Variants in PRKG1 observed in about 807,000 individuals in gnomAD.
PRKG1 encodes the protein protein kinase cGMP-dependent 1.
In PRKG1, 35 loss-of-function variants were observed where a neutral mutation model predicts 88.1. The observed-to-expected ratio is 0.40, with a 90% CI of 0.30 to 0.53. The LOEUF (loss-of-function observed/expected upper bound fraction) is 0.53, where lower values mean the gene tolerates loss of function less well. PRKG1 is among the 20% of genes least tolerant of loss of function. The pLI is 0.59. For synonymous variants in PRKG1, 303 were observed against 292.5 expected (o/e 1.04, Z -0.37); for missense variants, 540 against 839.8 (o/e 0.64, Z 4.41).
At chr10:51,946,864 A>G (rs1267427322) in intron 5 of PRKG1, among the ~76,000 whole-genome samples, 7 of 151,750 alleles carry the variant, frequency 4.6e-5, no homozygotes, top group African/African-American at 7.3e-5. Context: ...GTGTCAGTCT[A>G]CCCCTACTGG....
At chr10:51,103,208 G>A (rs1329827307) in intron 1 of PRKG1, among the ~76,000 whole-genome samples, 2 of 152,048 alleles carry the variant, frequency 1.3e-5, no homozygotes, top group South Asian at 2.1e-4. Flanking sequence ...CCATAGAAGG[G>A]GGTCATTAAA....
At chr10:52,000,918 A>G (rs1247942530) in intron 5 of PRKG1, among the ~76,000 whole-genome samples, 1 of 152,048 alleles carries the variant, frequency 6.6e-6, no homozygotes, top group East Asian at 1.9e-4. Context: ...CATCACAAGA[A>G]TCTGAAATTT....
intron 2 of PRKG1, among the ~76,000 whole-genome samples, chr10:51,304,297 C>T (rs552144862): frequency 1.1e-4 from 16 of 151,840 alleles, no homozygotes; most frequent in Admixed American, 4.6e-4. Context: ...CATATAGTCA[C>T]GTAATATTAA....
chr10:51,739,304 T>C lies in PRKG1; in HGVS notation c.593-65281T>C, dbSNP rs1448812548. 4.6e-5 allele frequency among the ~76,000 whole-genome samples: 7 copies of C among 152,292 alleles called. No individual in the cohort carries two copies. In the East Asian group the frequency reaches 1.2e-3, roughly 25 times the overall value. ...CATTATTCTCCTATGAAGATTTGCT[T>C]CCCAAAACTCCTAGCTATATTTCCC... On this transcript the variant is annotated intron_variant, in intron 3 of 17. Transcript: ENST00000373980.
At chr10:51,180,762 G>C (rs886156044) in intron 2 of PRKG1, among the ~76,000 whole-genome samples, 2 of 152,128 alleles carry the variant, frequency 1.3e-5, no homozygotes, top group African/African-American at 4.8e-5. Context: ...TAGCAACAGT[G>C]CTCCTAGACA....
At chr10:51,706,090 T>A (rs1265277341) in intron 3 of PRKG1, among the ~76,000 whole-genome samples, 2 of 152,138 alleles carry the variant, frequency 1.3e-5, no homozygotes, top group Non-Finnish European at 2.9e-5. Context: ...ATAGAGAAAA[T>A]GTTTCCTTTT....
chr10:52,080,660 T>C (rs540764061), intron 7 of PRKG1, among the ~76,000 whole-genome samples: 1 of 152,202 alleles, frequency 6.6e-6, no homozygotes, highest in Non-Finnish European at 1.5e-5. Context: ...ATCTATTTTT[T>C]AATCTTAAAT....
At chr10:51,400,013 C>T (rs570883862) in intron 2 of PRKG1, among the ~76,000 whole-genome samples, 4 of 152,090 alleles carry the variant, frequency 2.6e-5, no homozygotes, top group Non-Finnish European at 5.9e-5. Flanking sequence ...ACTTCATTGG[C>T]AATTGTGTTA....
intron 2 of PRKG1, among the ~76,000 whole-genome samples, chr10:51,404,923 A>C (rs1837863397): frequency 6.6e-6 from 1 of 152,188 alleles, no homozygotes; most frequent in Non-Finnish European, 1.5e-5. Context: ...TGAACACAGG[A>C]CTTTCTTACT....
At chr10:52,210,553 T>A (rs1839944110) in intron 9 of PRKG1, among the ~76,000 whole-genome samples, 1 of 152,216 alleles carries the variant, frequency 6.6e-6, no homozygotes, top group African/African-American at 2.4e-5. Flanking sequence ...TATATTTTTA[T>A]TAGAATATAG....
intron 5 of PRKG1, among the ~76,000 whole-genome samples, chr10:51,969,019 G>A (rs1843641241): frequency 6.6e-6 from 1 of 151,934 alleles, no homozygotes; most frequent in African/African-American, 2.4e-5. Context: ...TAAAACAGCA[G>A]CAATGACAAT....
chr10:51,069,803 T>C (rs193084367), upstream of PRKG1, among the ~76,000 whole-genome samples: 56 of 152,248 alleles, frequency 3.7e-4, 1 homozygote, highest in East Asian at 7.9e-3. Flanking sequence ...TGACCAACTC[T>C]CCTGGTTTGC....
At chr10:52,283,055 G>A (rs992237994) in intron 14 of PRKG1, among the ~76,000 whole-genome samples, 1 of 152,030 alleles carries the variant, frequency 6.6e-6, no homozygotes, top group African/African-American at 2.4e-5. Context: ...TCACAGACAT[G>A]GAGAAGGTTC....
intron 3 of PRKG1, among the ~76,000 whole-genome samples, chr10:51,626,999 A>T (rs1196735363): frequency 6.6e-6 from 1 of 152,184 alleles, no homozygotes; most frequent in Admixed American, 6.5e-5. Context: ...TGGAAATGAG[A>T]GACATAATCT....
chr10:51,032,093 G>C (rs1843291116), intron 1 of PRKG1, among the ~76,000 whole-genome samples: 3 of 152,176 alleles, frequency 2.0e-5, no homozygotes, highest in Admixed American at 2.0e-4. Context: ...TCTTCCAGCT[G>C]TTCAGTGTGT....
chr10:51,167,786 GA>G (rs964684592), intron 2 of PRKG1, among the ~76,000 whole-genome samples: 37 of 152,162 alleles, frequency 2.4e-4, no homozygotes, highest in African/African-American at 7.2e-4. Flanking sequence ...TTCTGAGATG[GA>G]AAAAAGTGAG....
chr10:52,170,932 C>T (rs1838653400), intron 9 of PRKG1, among the ~76,000 whole-genome samples: 1 of 152,142 alleles, frequency 6.6e-6, no homozygotes, highest in South Asian at 2.1e-4. Context: ...AAAATGCGCT[C>T]ATCAAATGCC....
intron 4 of PRKG1, among the ~76,000 whole-genome samples, chr10:51,835,943 C>T (rs1478507554): frequency 1.3e-5 from 2 of 152,136 alleles, no homozygotes; most frequent in Non-Finnish European, 2.9e-5. Flanking sequence ...TGTGAGGTGA[C>T]ATCTCATTGC....
chr10:51,341,728 A>G (rs908329569), intron 2 of PRKG1, among the ~76,000 whole-genome samples: 1 of 152,200 alleles, frequency 6.6e-6, no homozygotes, highest in African/African-American at 2.4e-5. Context: ...GTTGGCTCTC[A>G]TGCTGCTAAT....
Sources: gnomAD v4.1 joint callset for allele counts (sites outside exome capture counted in the v4.1 genomes callset) on GRCh38, gnomAD v4.1.1 for gene constraint, MANE v1.5 for transcripts, NCBI Gene and HGNC (gene_info 2026-07-23, HGNC 2026-07-21) for gene names.